The following MAPRE2 variants were observed in gnomAD, a reference collection of about 807,000 sequenced individuals.
MAPRE2 encodes microtubule associated protein RP/EB family member 2, also known as microtubule-associated protein RP/EB family member 2.
Under a neutral mutation model 43.2 loss-of-function variants are expected in MAPRE2, and 13 were observed. That is an observed-to-expected ratio of 0.30 (90% CI 0.20 to 0.48). The LOEUF (loss-of-function observed/expected upper bound fraction) is 0.48. MAPRE2 is among the 20% of genes least tolerant of loss of function. MAPRE2 has a pLI of 0.99. For missense variants in MAPRE2, 161 were observed against 400.2 expected (o/e 0.40, Z 5.10); for synonymous variants, 135 against 148.8 (o/e 0.91, Z 0.68).
intron 2 of MAPRE2, among the ~76,000 whole-genome samples, chr18:35,071,759 G>T (rs569036169): frequency 2.0e-4 from 31 of 152,156 alleles, no homozygotes; most frequent in Non-Finnish European, 3.5e-4. Flanking sequence ...ACCAGGTCTG[G>T]ACTTGATCAG....
chr18:35,042,120 C>G (rs532094067), intron 1 of MAPRE2, among the ~76,000 whole-genome samples: 3 of 152,300 alleles, frequency 2.0e-5, no homozygotes, highest in Non-Finnish European at 4.4e-5. Context: ...GATTAAGCTG[C>G]AGTCTGTGAT....
In MAPRE2 at chr18:35,143,160, G is replaced by A. The variant is rs980808146; in HGVS notation, c.*2791G>A. 6.6e-6 allele frequency: 1 copy of A among 151,684 alleles called. No individual in the cohort carries two copies. Among genetic ancestry groups the A allele is most frequent in the Non-Finnish European group, 1.5e-5 (1 of 67,976 alleles). 9.4% of individuals were successfully genotyped at this position (151,684 alleles called of 1,614,324 possible). A position where few individuals can be genotyped will look rare whatever the true frequency, so the allele number is the denominator to read the frequency against. On this transcript the variant is annotated 3_prime_UTR_variant, in exon 7 of 7. Transcript: ENST00000300249. ...GAACCAAGAACTCTTCCCTTCCCTG[G>A]TGAGTATTTCCATTATTCCGTTAAG...
chr18:35,044,488 C>A (rs1285427428), intron 1 of MAPRE2, among the ~76,000 whole-genome samples: 3 of 152,208 alleles, frequency 2.0e-5, no homozygotes, highest in Non-Finnish European at 4.4e-5. Context: ...CCTTGGCCTC[C>A]CAAAGTGCTG....
chr18:35,111,869 C>T (rs1307902138), intron 4 of MAPRE2, among the ~76,000 whole-genome samples: 1 of 152,160 alleles, frequency 6.6e-6, no homozygotes, highest in African/African-American at 2.4e-5. Flanking sequence ...AGGGTGGGCA[C>T]AGGTACTCTT....
At chr18:35,074,279 G>A (rs577971958) in intron 2 of MAPRE2, among the ~76,000 whole-genome samples, 1 of 151,758 alleles carries the variant, frequency 6.6e-6, no homozygotes, top group African/African-American at 2.4e-5. Flanking sequence ...GGGCAGGGGG[G>A]TGATAGGGAA....
intron 4 of MAPRE2, among the ~76,000 whole-genome samples, chr18:35,106,859 A>G (rs1316562047): frequency 7.3e-6 from 1 of 137,160 alleles, no homozygotes; most frequent in African/African-American, 2.6e-5. Flanking sequence ...ATTAAAATAC[A>G]CATTTTCACA....
At chr18:34,991,259 G>A (rs1050855768) in intron 1 of MAPRE2, among the ~76,000 whole-genome samples, 9 of 151,800 alleles carry the variant, frequency 5.9e-5, no homozygotes, top group South Asian at 2.1e-4. Context: ...CCGTCTTTAC[G>A]TCTATGTGTA....
At chr18:35,113,085 G>T (rs1909252111) in intron 4 of MAPRE2, among the ~76,000 whole-genome samples, 1 of 152,148 alleles carries the variant, frequency 6.6e-6, no homozygotes, top group Non-Finnish European at 1.5e-5. Context: ...CTACTGTGTT[G>T]GGGATTAGGT....
chr18:35,124,978 C>T (rs1005492317), intron 4 of MAPRE2, among the ~76,000 whole-genome samples: 1 of 152,204 alleles, frequency 6.6e-6, no homozygotes, highest in African/African-American at 2.4e-5. Flanking sequence ...AACGTCAGCT[C>T]TCTGGAACCC....
chr18:35,136,897 A>C (rs1226779183), intron 6 of MAPRE2, among the ~76,000 whole-genome samples: 2 of 152,264 alleles, frequency 1.3e-5, no homozygotes, highest in Non-Finnish European at 2.9e-5. Context: ...AAAGATGTGA[A>C]TAGATTGATA....
intron 2 of MAPRE2, among the ~76,000 whole-genome samples, chr18:35,033,268 A>T (rs916540697): frequency 8.5e-5 from 13 of 152,188 alleles, no homozygotes; most frequent in Non-Finnish European, 1.9e-4. Flanking sequence ...AAACCACATG[A>T]TTATCTCAAC....
chr18:35,093,605 G>T (rs1290044472), intron 2 of MAPRE2, among the ~76,000 whole-genome samples: 1 of 152,154 alleles, frequency 6.6e-6, no homozygotes, highest in African/African-American at 2.4e-5. Context: ...ATGAAATCTT[G>T]TCATTTGTGG....
chr18:34,989,114 T>C (rs1193718071), intron 1 of MAPRE2, among the ~76,000 whole-genome samples: 1 of 152,110 alleles, frequency 6.6e-6, no homozygotes, highest in Non-Finnish European at 1.5e-5. Flanking sequence ...ATAAGTTCAT[T>C]AGTGAGAGCC....
Position 35,005,490 on chromosome 18 carries a change from A to G in MAPRE2, c.-69-2A>G. ...TTTTTTCTTCCATTTTTACTATCCC[A>G]GTGTCCTGTTTCCCAGAGGAACAGT... is the stretch of plus-strand genomic sequence containing the variant. On this transcript the variant is annotated splice_acceptor_variant, in intron 1 of 7. Transcript: ENST00000413393. LOFTEE classifies it low-confidence loss of function (5UTR_SPLICE). 1 of 1,528,802 alleles carries G rather than the reference A, an allele frequency of 6.5e-7. No individual in the cohort carries two copies. The highest frequency in any genetic ancestry group is 8.8e-7 in the Non-Finnish European group (1 of 1,130,792). 94.7% of individuals were successfully genotyped at this position (1,528,802 alleles called of 1,614,324 possible).
intron 2 of MAPRE2, among the ~76,000 whole-genome samples, chr18:35,021,420 G>A (rs142142523): frequency 6.6e-6 from 1 of 152,028 alleles, no homozygotes; most frequent in South Asian, 2.1e-4. Context: ...GATGGAAAGG[G>A]CATAGGATTA....
chr18:35,005,455 C>T, intron 1 of MAPRE2: 1 of 1,296,668 alleles, frequency 7.7e-7, no homozygotes, highest in Non-Finnish European at 1.1e-6. Context: ...ATATTAAATG[C>T]TTGCACTCTT....
At chr18:34,985,496 T>TATATATTATAA (rs2150572068) in intron 1 of MAPRE2, among the ~76,000 whole-genome samples, 5 of 43,478 alleles carry the variant, frequency 1.2e-4, no homozygotes, top group Non-Finnish European at 1.5e-4. Context: ...TATTGTATAT[T>TATATATTATAA]ATATAATATA....
At position 35,000,911 on chromosome 18, in the gene MAPRE2, G is replaced by A. The variant is rs143469503; in HGVS notation, c.-69-4581G>A. Among the ~76,000 whole-genome samples the A allele has an allele frequency of 1.4e-4, 22 of 152,240 alleles. 1 individual carries two copies. In the East Asian group the frequency reaches 4.3e-3, roughly 29 times the overall value. On this transcript the variant is annotated intron_variant, in intron 1 of 7. Transcript: ENST00000413393. ...GTTTTGAATACAGAACACCTGCCTT[G>A]TCATCCATAAAATAGTACCACAAAG...
chr18:35,013,005 A>C (rs2097035746), intron 2 of MAPRE2, among the ~76,000 whole-genome samples: 1 of 152,228 alleles, frequency 6.6e-6, no homozygotes, highest in South Asian at 2.1e-4. Context: ...GCCAAGGGAA[A>C]ATAGCATTTC....
Sources: gnomAD v4.1 joint callset for allele counts (sites outside exome capture counted in the v4.1 genomes callset) on GRCh38, gnomAD v4.1.1 for gene constraint, MANE v1.5 for transcripts, NCBI Gene and HGNC (gene_info 2026-07-23, HGNC 2026-07-21) for gene names.